Variants in LRMDA observed in about 807,000 individuals in gnomAD.
LRMDA encodes the protein leucine-rich melanocyte differentiation-associated protein.
In LRMDA, 18 loss-of-function variants were observed where a neutral mutation model predicts 29.8. The ratio of observed to expected loss-of-function variants is 0.60; its 90% confidence interval spans 0.42 to 0.90. The LOEUF (loss-of-function observed/expected upper bound fraction) is 0.90, where lower values mean the gene tolerates loss of function less well. LRMDA is among the 40% of genes least tolerant of loss of function. LRMDA has a pLI of 0.00. For missense variants in LRMDA, 273 were observed against 273.9 expected (o/e 1.00, Z 0.02); for synonymous variants, 125 against 109.4 (o/e 1.14, Z -0.89).
chr10:76,457,742 G>T (rs977461427), intron 6 of LRMDA, among the ~76,000 whole-genome samples: 2 of 152,064 alleles, frequency 1.3e-5, no homozygotes, highest in African/African-American at 2.4e-5. Context: ...AAACAACAAG[G>T]TTACGTCTCA....
At chr10:75,660,326 GT>G (rs1841735179) in intron 2 of LRMDA, among the ~76,000 whole-genome samples, 1 of 152,160 alleles carries the variant, frequency 6.6e-6, no homozygotes, top group Non-Finnish European at 1.5e-5. Flanking sequence ...CCTAGTAATT[GT>G]TTTTCAGAAA....
chr10:75,588,575 CTT>C (rs1564516729), intron 2 of LRMDA, among the ~76,000 whole-genome samples: 1 of 152,080 alleles, frequency 6.6e-6, no homozygotes, highest in Non-Finnish European at 1.5e-5. Flanking sequence ...GCTTTTTTGA[CTT>C]TTAAAATATC....
chr10:76,512,585 A>G lies in LRMDA; in HGVS notation c.602-44624A>G, dbSNP rs564138608. 4.6e-5 allele frequency among the ~76,000 whole-genome samples: 7 copies of G among 152,324 alleles called. No homozygotes were observed. The South Asian group carries it at 1.2e-3, about 27-fold the overall frequency. ...ATATACAAAAATTAACTCAAAATGG[A>G]TCATAGACTAAATGTAACAGCTAAA... On this transcript the variant is annotated intron_variant, in intron 6 of 6. Coordinates refer to ENST00000611255, the MANE Select transcript of LRMDA (RefSeq NM_001305581.2).
chr10:76,020,134 G>C (rs1391627774), intron 2 of LRMDA, among the ~76,000 whole-genome samples: 1 of 152,230 alleles, frequency 6.6e-6, no homozygotes, highest in East Asian at 1.9e-4. Context: ...CTGCTTGGCA[G>C]CTTTGCCTGA....
Position 76,350,172 on chromosome 10 carries a change from A to AC in LRMDA, c.601+25687_601+25688insC, listed in dbSNP as rs202200580. On this transcript the variant is annotated intron_variant, in intron 6 of 6. Coordinates refer to ENST00000611255, the MANE Select transcript of LRMDA (RefSeq NM_001305581.2). ...GCAGGTAGGTGGAGGCAAAAAACAAAAAAAAAAATAAATAAATTCTGACCT... is the reference window on the plus strand; with the variant it reads ...GCAGGTAGGTGGAGGCAAAAAACAAACAAAAAAAATAAATAAATTCTGACCT... Among the ~76,000 whole-genome samples, 586 of 151,868 alleles carry AC rather than the reference A, an allele frequency of 3.9e-3. 3 individuals carry two copies. The highest frequency in any genetic ancestry group is 0.013 in the African/African-American group (533 of 41,520).
intron 6 of LRMDA, among the ~76,000 whole-genome samples, chr10:76,525,527 A>G (rs1843165680): frequency 6.6e-6 from 1 of 152,140 alleles, no homozygotes; most frequent in Non-Finnish European, 1.5e-5. Flanking sequence ...GTAGGAGGCA[A>G]GAACCTGATT....
chr10:76,245,762 A>AT (rs1471841925), intron 5 of LRMDA, among the ~76,000 whole-genome samples: 7 of 152,238 alleles, frequency 4.6e-5, no homozygotes, highest in African/African-American at 1.4e-4. Flanking sequence ...ATACTATGAC[A>AT]GCTCTGGGCA....
At chr10:76,025,979 G>T (rs543176657) in intron 2 of LRMDA, among the ~76,000 whole-genome samples, 1 of 152,076 alleles carries the variant, frequency 6.6e-6, no homozygotes, top group Non-Finnish European at 1.5e-5. Flanking sequence ...TTTTATAAAT[G>T]AATGAATGAA....
chr10:75,902,170 T>C (rs1286301734), intron 2 of LRMDA, among the ~76,000 whole-genome samples: 1 of 152,162 alleles, frequency 6.6e-6, no homozygotes, highest in Non-Finnish European at 1.5e-5. Context: ...ATGGCTGCTC[T>C]TTGGCTACCC....
At chr10:75,612,933 G>A (rs2132100506) in intron 2 of LRMDA, among the ~76,000 whole-genome samples, 1 of 152,220 alleles carries the variant, frequency 6.6e-6, no homozygotes, top group Admixed American at 6.5e-5. Flanking sequence ...ACTTGGCCCA[G>A]CCTTTCAACT....
At chr10:75,560,527 G>C (rs960264342) in intron 2 of LRMDA, among the ~76,000 whole-genome samples, 12 of 151,598 alleles carry the variant, frequency 7.9e-5, no homozygotes, top group African/African-American at 2.2e-4. Flanking sequence ...CCCTTTATTT[G>C]CTTCTCCTGC....
intron 2 of LRMDA, among the ~76,000 whole-genome samples, chr10:75,719,769 C>A (rs1355443151): frequency 6.6e-6 from 1 of 152,208 alleles, no homozygotes; most frequent in African/African-American, 2.4e-5. Flanking sequence ...GACAGCTTGT[C>A]GGTTCTATTA....
At chr10:76,160,982 G>A (rs1369857132) in intron 5 of LRMDA, among the ~76,000 whole-genome samples, 3 of 152,124 alleles carry the variant, frequency 2.0e-5, no homozygotes, top group South Asian at 2.1e-4. Context: ...GCAAGCAACC[G>A]CAAGGGGTGG....
intron 2 of LRMDA, among the ~76,000 whole-genome samples, chr10:75,936,065 A>G (rs753762130): frequency 6.6e-6 from 1 of 152,224 alleles, no homozygotes; most frequent in South Asian, 2.1e-4. Flanking sequence ...GCTCTAGGTT[A>G]TCTGCCTGGT....
At chr10:76,120,927 G>A (rs1212887874) in intron 5 of LRMDA, among the ~76,000 whole-genome samples, 1 of 151,694 alleles carries the variant, frequency 6.6e-6, no homozygotes, top group Non-Finnish European at 1.5e-5. Flanking sequence ...CTGACTCCCA[G>A]GTTGACGCCA....
intron 2 of LRMDA, among the ~76,000 whole-genome samples, chr10:76,035,800 A>G (rs908158524): frequency 1.3e-5 from 2 of 152,132 alleles, no homozygotes; most frequent in Non-Finnish European, 2.9e-5. Flanking sequence ...GCAATGCGTG[A>G]AGGATGCGGT....
chr10:76,552,337 G>C (rs1843506689), intron 6 of LRMDA, among the ~76,000 whole-genome samples: 1 of 152,198 alleles, frequency 6.6e-6, no homozygotes, highest in African/African-American at 2.4e-5. Flanking sequence ...ACTTCTAGCT[G>C]TATGAAATGC....
At chr10:75,622,261 TG>T in intron 2 of LRMDA, among the ~76,000 whole-genome samples, 2 of 152,176 alleles carry the variant, frequency 1.3e-5, no homozygotes. Context: ...TAGACAAAGA[TG>T]GGGGAAATAT....
intron 2 of LRMDA, among the ~76,000 whole-genome samples, chr10:75,610,625 C>G (rs1303861604): frequency 6.6e-6 from 1 of 152,180 alleles, no homozygotes; most frequent in Admixed American, 6.5e-5. Context: ...TGATCATGGC[C>G]AGAGACTTTA....
Sources: allele counts gnomAD v4.1 joint callset (sites outside exome capture counted in the v4.1 genomes callset), GRCh38; gene constraint gnomAD v4.1.1; transcripts MANE v1.5; gene names NCBI Gene and HGNC (gene_info 2026-07-23, HGNC 2026-07-21).